TGFBR3: variants seen among roughly 807,000 people sequenced by gnomAD.
TGFBR3 encodes transforming growth factor beta receptor 3.
In TGFBR3, 46 loss-of-function variants were observed where a neutral mutation model predicts 87.9. The observed-to-expected ratio is 0.52, with a 90% CI of 0.41 to 0.67. TGFBR3 has a LOEUF of 0.67. Ranked by LOEUF, TGFBR3 falls within the 30% of genes least tolerant of loss-of-function variation. The pLI, the probability that TGFBR3 is intolerant of heterozygous loss-of-function variation, is 0.00. For missense variants in TGFBR3, 866 were observed against 1,041.9 expected, an observed-to-expected ratio of 0.83 and a Z score of 2.32; for synonymous variants, 381 against 391.6, an observed-to-expected ratio of 0.97 and a Z score of 0.32.
intron 2 of TGFBR3, among the ~76,000 whole-genome samples, chr1:91,834,681 G>T (rs1052985974): frequency 2.0e-5 from 3 of 152,116 alleles, no homozygotes; most frequent in Non-Finnish European, 2.9e-5. Flanking sequence ...GTTTGTTTTG[G>T]TTTGGTTTGG....
chr1:91,752,457 C>G (rs544920653), intron 4 of TGFBR3, among the ~76,000 whole-genome samples: 8 of 152,192 alleles, frequency 5.3e-5, no homozygotes, highest in Non-Finnish European at 8.8e-5. Context: ...GATCACAGCA[C>G]AGTAATATCG....
intron 14 of TGFBR3, among the ~76,000 whole-genome samples, chr1:91,701,861 GT>G (rs1458801006): frequency 6.6e-6 from 1 of 152,156 alleles, no homozygotes; most frequent in Admixed American, 6.5e-5. Context: ...TTAAGACAGA[GT>G]TTTTACTAAC....
chr1:91,703,760 G>A (rs977595585), intron 14 of TGFBR3, among the ~76,000 whole-genome samples: 1 of 152,100 alleles, frequency 6.6e-6, no homozygotes, highest in African/African-American at 2.4e-5. Context: ...CAGAAAATAG[G>A]GTAGGATGGC....
At chr1:91,728,117 T>G (rs1672611252) in intron 6 of TGFBR3, among the ~76,000 whole-genome samples, 1 of 152,222 alleles carries the variant, frequency 6.6e-6, no homozygotes, top group Admixed American at 6.5e-5. Flanking sequence ...GAGTTTACTT[T>G]TGAAGCAGTA....
intron 1 of TGFBR3, among the ~76,000 whole-genome samples, 154 bp downstream of exon 1, chr1:91,885,724 C>T (rs1012136351): frequency 6.6e-6 from 1 of 152,140 alleles, no homozygotes; most frequent in Admixed American, 6.5e-5. Flanking sequence ...CCCACCAGCG[C>T]CTCCCTCCCA....
At chr1:91,747,796 C>A (rs1301291362) in intron 4 of TGFBR3, among the ~76,000 whole-genome samples, 1 of 152,224 alleles carries the variant, frequency 6.6e-6, no homozygotes, top group Non-Finnish European at 1.5e-5. Flanking sequence ...ATTAAGAGCA[C>A]ACCCAAGGCT....
intron 3 of TGFBR3, among the ~76,000 whole-genome samples, chr1:91,787,943 G>GAAAAAAAA: frequency 7.5e-6 from 1 of 133,314 alleles, no homozygotes; most frequent in South Asian, 2.3e-4. Flanking sequence ...GTCTCACGGG[G>GAAAAAAAA]AAAAAAAAAA....
intron 2 of TGFBR3, among the ~76,000 whole-genome samples, chr1:91,798,409 C>T (rs1675471460): frequency 6.6e-6 from 1 of 152,174 alleles, no homozygotes; most frequent in African/African-American, 2.4e-5. Flanking sequence ...CTAGCCCCTT[C>T]CTATGTCTCA....
chr1:91,760,827 G>A (rs1673932505), intron 3 of TGFBR3, among the ~76,000 whole-genome samples: 1 of 152,186 alleles, frequency 6.6e-6, no homozygotes, highest in African/African-American at 2.4e-5. Flanking sequence ...TAGCCACTGA[G>A]AAGAAGAGAT....
At chr1:91,848,971 AGGCTAT>A (rs542514685) in intron 2 of TGFBR3, among the ~76,000 whole-genome samples, 8 of 152,238 alleles carry the variant, frequency 5.3e-5, no homozygotes, top group Non-Finnish European at 1.2e-4. Flanking sequence ...CTTTAATATT[AGGCTAT>A]GGCACAGTAT....
At position 91,803,677 on chromosome 1, in the gene TGFBR3, C is replaced by G. The variant is rs147904301; in HGVS notation, c.62-6206G>C. Among the ~76,000 whole-genome samples the G allele has an allele frequency of 4.1e-3, 626 of 152,214 alleles. 4 individuals are homozygous for G. The highest frequency in any genetic ancestry group is 0.015 in the African/African-American group (609 of 41,516). ...TCTTTTATTTCATCAGAAGTGCCAA[C>G]CTTTGTCCCAAAGGAGCCTCTGAAT... On this transcript the variant is annotated intron_variant, in intron 2 of 16. Coordinates refer to ENST00000212355, the MANE Select transcript of TGFBR3 (RefSeq NM_003243.5).
intron 2 of TGFBR3, among the ~76,000 whole-genome samples, chr1:91,846,306 A>G (rs1677498098): frequency 6.6e-6 from 1 of 152,204 alleles, no homozygotes. Context: ...AATTCACCCC[A>G]TACCATTAAT....
chr1:91,694,517 T>A (rs558503186), intron 16 of TGFBR3, among the ~76,000 whole-genome samples: 5 of 152,252 alleles, frequency 3.3e-5, no homozygotes, highest in Non-Finnish European at 7.3e-5. Flanking sequence ...TCTGACACTT[T>A]TAACTATCAG....
At chr1:91,687,504 G>C (rs1215345969) in intron 16 of TGFBR3, among the ~76,000 whole-genome samples, 3 of 152,208 alleles carry the variant, frequency 2.0e-5, no homozygotes, top group Admixed American at 1.3e-4. Context: ...CACCATGGCA[G>C]GTCCTGGGGA....
intron 2 of TGFBR3, among the ~76,000 whole-genome samples, chr1:91,826,246 G>C (rs888784884): frequency 4.6e-5 from 7 of 152,072 alleles, no homozygotes; most frequent in Admixed American, 2.6e-4. Flanking sequence ...GAAGGCTGCC[G>C]AGGGAACGGA....
intron 10 of TGFBR3, 55 bp downstream of exon 10, chr1:91,719,257 G>T (rs7524066): frequency 0.25 from 406,816 of 1,611,200 alleles, 54,374 homozygotes; most frequent in African/African-American, 0.4. Context: ...AACTTTAAGG[G>T]AGCACACAGC....
chr1:91,757,113 C>T (rs981606594), intron 4 of TGFBR3, among the ~76,000 whole-genome samples: 2 of 152,202 alleles, frequency 1.3e-5, no homozygotes, highest in Non-Finnish European at 2.9e-5. Flanking sequence ...CTCAGGATCA[C>T]ATGTGTCTTG....
intron 16 of TGFBR3, among the ~76,000 whole-genome samples, chr1:91,694,420 T>C (rs1056278860): frequency 2.6e-5 from 4 of 152,264 alleles, no homozygotes; most frequent in Non-Finnish European, 5.9e-5. Context: ...ATGCTAGGCA[T>C]GAAAGAGTCC....
intron 16 of TGFBR3, among the ~76,000 whole-genome samples, chr1:91,684,854 T>A (rs1024089764): frequency 1.3e-5 from 2 of 152,190 alleles, no homozygotes; most frequent in African/African-American, 4.8e-5. Context: ...GTAAGCAGCA[T>A]CCCCTCCTTC....
Sources: allele counts gnomAD v4.1 joint callset (sites outside exome capture counted in the v4.1 genomes callset), GRCh38; gene constraint gnomAD v4.1.1; transcripts MANE v1.5; gene names NCBI Gene and HGNC (gene_info 2026-07-23, HGNC 2026-07-21).